Variants in MBTPS1 observed in about 807,000 individuals in gnomAD.
MBTPS1 encodes membrane-bound transcription factor site-1 protease.
MBTPS1 carries 94 observed loss-of-function variants against 127.8 expected under a neutral mutation model. The ratio of observed to expected loss-of-function variants is 0.74; its 90% confidence interval spans 0.62 to 0.87. The LOEUF (loss-of-function observed/expected upper bound fraction) is 0.87. MBTPS1 is among the 40% of genes least tolerant of loss of function. The pLI is 0.00. For synonymous variants in MBTPS1, 632 were observed against 509.4 expected (o/e 1.24, Z -3.24); for missense variants, 1,636 against 1,353.2 (o/e 1.21, Z -3.28).
chr16:84,076,211 C>A (rs538124886), intron 11 of MBTPS1, among the ~76,000 whole-genome samples: 2 of 152,156 alleles, frequency 1.3e-5, no homozygotes, highest in African/African-American at 4.8e-5. Context: ...AAAAAACATA[C>A]AAAATTCAAT....
At chr16:84,077,934 TAA>T (rs36017253) in intron 11 of MBTPS1, among the ~76,000 whole-genome samples, 1 of 146,810 alleles carries the variant, frequency 6.8e-6, no homozygotes, top group Non-Finnish European at 1.5e-5. Context: ...CAAGAAAGCT[TAA>T]AAAAAAAAAG....
At chr16:84,072,916 T>G (rs1205947169) in intron 12 of MBTPS1, among the ~76,000 whole-genome samples, 1 of 152,258 alleles carries the variant, frequency 6.6e-6, no homozygotes, top group African/African-American at 2.4e-5. Context: ...AGAGCCATCC[T>G]TGACTGTTCA....
At chr16:84,112,436 G>C (rs923918475) in intron 1 of MBTPS1, among the ~76,000 whole-genome samples, 18 of 152,110 alleles carry the variant, frequency 1.2e-4, no homozygotes, top group African/African-American at 4.3e-4. Context: ...GAGGCAGGCG[G>C]ATCATGAGGT....
At chr16:84,110,568 A>C (rs1313900003) in intron 1 of MBTPS1, 1 of 152,266 alleles carries the variant, frequency 6.6e-6, no homozygotes, top group Admixed American at 6.5e-5. Flanking sequence ...ATCCAAAATA[A>C]GAAAAACACT....
chr16:84,088,412 A>G (rs16962773), intron 8 of MBTPS1, among the ~76,000 whole-genome samples: 1,590 of 152,010 alleles, frequency 0.01, 24 homozygotes, highest in African/African-American at 0.036. Context: ...ACGAATAATG[A>G]TTTTCTGATG....
chr16:84,084,034 A>G (rs1567489268), intron 10 of MBTPS1, among the ~76,000 whole-genome samples: 1 of 152,200 alleles, frequency 6.6e-6, no homozygotes, highest in East Asian at 1.9e-4. Flanking sequence ...ATCTCAGTTC[A>G]CTGCAGCCTC....
intron 3 of MBTPS1, among the ~76,000 whole-genome samples, chr16:84,096,132 G>C (rs2086176633): frequency 6.6e-6 from 1 of 152,080 alleles, no homozygotes; most frequent in Non-Finnish European, 1.5e-5. Context: ...ATTTTCATCA[G>C]CAACTTGTTC....
At chr16:84,080,816 C>A (rs977595707) in intron 11 of MBTPS1, among the ~76,000 whole-genome samples, 2 of 152,244 alleles carry the variant, frequency 1.3e-5, no homozygotes, top group Admixed American at 1.3e-4. Context: ...CACACCCTTC[C>A]CTTTATCCTT....
In MBTPS1 at chr16:84,107,488, CTATCAAGACTA is replaced by C. The variant is rs769362178; in HGVS notation, c.-324-5392_-324-5382del. On this transcript the variant is annotated intron_variant, in intron 1 of 22. Transcript: ENST00000343411. ...TAAAAGGTGAGCTAAAATCCAGGCTCTATCAAGACTATTTCAAAGGATTTATGGCTCAAAAA... is the reference window on the plus strand; with the variant it reads ...TAAAAGGTGAGCTAAAATCCAGGCTCTTTCAAAGGATTTATGGCTCAAAAA... 7.0e-4 allele frequency among the ~76,000 whole-genome samples: 106 copies of C among 152,270 alleles called. 1 individual carries two copies. The Middle Eastern group carries it at 0.014, about 20-fold the overall frequency.
At chr16:84,058,365 G>A (rs552782145) in intron 21 of MBTPS1, among the ~76,000 whole-genome samples, 1 of 152,312 alleles carries the variant, frequency 6.6e-6, no homozygotes, top group African/African-American at 2.4e-5. Context: ...ATCACTGGAG[G>A]AAAAGAAGGC....
chr16:84,066,482 G>C lies in MBTPS1; in HGVS notation c.2353+7C>G, dbSNP rs1344089678. The C allele has an allele frequency of 1.2e-6, 2 of 1,613,834 alleles. No individual in the cohort carries two copies. Among genetic ancestry groups the C allele is most frequent in the South Asian group, 1.1e-5 (1 of 91,042 alleles). ...TAAGACCACGCCCTCAGGAAACAGA[G>C]CCTTACTGTCATGGTTGGCCAGGGT... is the stretch of plus-strand genomic sequence containing the variant. On this transcript the variant is annotated splice_region_variant and intron_variant, in intron 17 of 22. Transcript: ENST00000343411.
intron 15 of MBTPS1, 119 bp from the exon 16 acceptor site, chr16:84,067,942 G>T: frequency 1.1e-6 from 1 of 904,134 alleles, no homozygotes; most frequent in Non-Finnish European, 1.7e-6. Context: ...AGTCTGGTTT[G>T]TGCCACCCTG....
rs145735179 is a variant in MBTPS1, at chr16:84,072,554, G to T, written c.1594-1778C>A. Among the ~76,000 whole-genome samples the T allele has an allele frequency of 4.7e-4, 72 of 152,320 alleles. No homozygotes were observed. The East Asian group carries it at 0.013, about 28-fold the overall frequency. ...CACCTGTAATCCCAGCACTTTGGGAGGGCAAGGCGGGAGGGTCATGAGGTG... is the reference window on the plus strand; with the variant it reads ...CACCTGTAATCCCAGCACTTTGGGATGGCAAGGCGGGAGGGTCATGAGGTG... On this transcript the variant is annotated intron_variant, in intron 12 of 22. Transcript: ENST00000343411.
intron 1 of MBTPS1, among the ~76,000 whole-genome samples, chr16:84,110,000 C>A (rs949270815): frequency 1.3e-5 from 2 of 152,164 alleles, no homozygotes; most frequent in South Asian, 2.1e-4. Flanking sequence ...GTTCGTGCAA[C>A]CTTCCTGTTA....
intron 1 of MBTPS1, among the ~76,000 whole-genome samples, chr16:84,116,243 A>G (rs2086475650): frequency 6.6e-6 from 1 of 152,252 alleles, no homozygotes; most frequent in Non-Finnish European, 1.5e-5. Context: ...TAGCGCAACC[A>G]TGCCAAGGCG....
intron 1 of MBTPS1, chr16:84,110,688 G>C (rs1195007337): frequency 3.3e-5 from 5 of 152,156 alleles, no homozygotes; most frequent in Admixed American, 3.3e-4. Flanking sequence ...TGAGAACTGA[G>C]ACCCAGAGTA....
intron 21 of MBTPS1, among the ~76,000 whole-genome samples, chr16:84,058,829 T>G (rs1012116020): frequency 2.6e-5 from 4 of 152,066 alleles, no homozygotes; most frequent in African/African-American, 7.2e-5. Flanking sequence ...CGGAGGCGGG[T>G]GCTTTCACCC....
intron 18 of MBTPS1, among the ~76,000 whole-genome samples, chr16:84,065,290 T>C (rs1329252904): frequency 1.3e-5 from 2 of 152,184 alleles, no homozygotes; most frequent in African/African-American, 2.4e-5. Context: ...GCTAAATTTT[T>C]GTATTTTTAG....
rs1413644026 is a variant in MBTPS1, at chr16:84,074,671, A to C, written c.1519T>G (p.Tyr507Asp). The C allele has an allele frequency of 2.5e-6, 4 of 1,614,090 alleles. No homozygotes were observed. The highest frequency in any genetic ancestry group is 3.4e-6 in the Non-Finnish European group (4 of 1,179,974). The change falls in exon 12 of 23, where the codon TAT (tyrosine) becomes GAT (aspartate). Residue 507 changes from tyrosine to aspartate, a missense_variant. By Grantham distance (160) the Tyr-to-Asp change is radical (BLOSUM62 -3). Coordinates refer to ENST00000343411, the MANE Select transcript of MBTPS1 (RefSeq NM_003791.4). ...TTAACAACTGTCGGCATTCCTCCAT[A>C]GTAGATGGGCTGGGAGCAGTAGGGC... is the stretch of plus-strand genomic sequence containing the variant. ...MWPYCSQPIY[Y>D]GGMPTVVNVT...
Sources: gnomAD v4.1 joint callset for allele counts (sites outside exome capture counted in the v4.1 genomes callset) on GRCh38, gnomAD v4.1.1 for gene constraint, MANE v1.5 for transcripts, NCBI Gene and HGNC (gene_info 2026-07-23, HGNC 2026-07-21) for gene names.